Variants in SLC18A1 observed in about 807,000 individuals in gnomAD.
SLC18A1 encodes chromaffin granule amine transporter.
In SLC18A1, 69 loss-of-function variants were observed where a neutral mutation model predicts 53.7. The ratio of observed to expected loss-of-function variants is 1.28; its 90% CI spans 1.06 to 1.57. SLC18A1 has a LOEUF of 1.57. Ranked by LOEUF, SLC18A1 falls within the 40% of genes most tolerant of loss-of-function variation. SLC18A1 has a pLI of 0.00. For missense variants in SLC18A1, 932 were observed against 668.1 expected (o/e 1.40, Z -4.35); for synonymous variants, 320 against 248.1 (o/e 1.29, Z -2.72).
intron 4 of SLC18A1, 60 bp from the exon 5 acceptor site, chr8:20,174,504 G>T: frequency 1.8e-6 from 2 of 1,126,796 alleles, no homozygotes; most frequent in South Asian, 1.3e-5. Flanking sequence ...TTCCCCAGCC[G>T]CCAGAGAACA....
chr8:20,181,873 G>A (rs2072437558), intron 1 of SLC18A1: 2 of 152,208 alleles, frequency 1.3e-5, no homozygotes, highest in African/African-American at 4.8e-5. Context: ...CCTCTACCAT[G>A]TTCCCTTGCT....
chr8:20,150,588 T>G, intron 11 of SLC18A1, 78 bp downstream of exon 11: 1 of 1,240,822 alleles, frequency 8.1e-7, no homozygotes. Context: ...TGGAAGCTGT[T>G]CATCATTCCA....
chr8:20,170,293 A>G (rs2072079889), intron 8 of SLC18A1, among the ~76,000 whole-genome samples: 1 of 152,150 alleles, frequency 6.6e-6, no homozygotes. Context: ...TTCACCCTCG[A>G]TTTCATTATC....
chr8:20,147,036 T>A lies in SLC18A1; in HGVS notation c.1464+222A>T, dbSNP rs2128866493. On this transcript the variant is annotated intron_variant, in intron 15 of 15. Coordinates refer to ENST00000276373, the MANE Select transcript of SLC18A1 (RefSeq NM_003053.4). The stretch of plus-strand genomic sequence containing the variant: ...TCCCTTCTCTACTGAAGACCCTTCC[T>A]GATAGCCCCAGAAAGAGGGAAGTGG... 2.0e-5 allele frequency among the ~76,000 whole-genome samples: 3 copies of A among 152,118 alleles called. No homozygotes were observed. The East Asian group carries it at 5.8e-4, about 29-fold the overall frequency.
At chr8:20,181,633 T>A (rs1255888795) in intron 1 of SLC18A1, 1 of 152,186 alleles carries the variant, frequency 6.6e-6, no homozygotes, top group Admixed American at 6.5e-5. Flanking sequence ...TTCAAAAAGT[T>A]ATTTTATGTG....
At chr8:20,169,174 C>T (rs1411017766) in intron 8 of SLC18A1, among the ~76,000 whole-genome samples, 1 of 152,034 alleles carries the variant, frequency 6.6e-6, no homozygotes, top group Non-Finnish European at 1.5e-5. Flanking sequence ...CATGAAGAAA[C>T]ATCAGACAAA....
At position 20,180,108 on chromosome 8, in the gene SLC18A1, T is replaced by TTGTGTGTGTGTGTGTG. The variant is rs112531759; in HGVS notation, c.125-640_125-625dup. Among the ~76,000 whole-genome samples the TTGTGTGTGTGTGTGTG allele has an allele frequency of 3.4e-3, 497 of 146,174 alleles. 3 individuals carry two copies. Among genetic ancestry groups the TTGTGTGTGTGTGTGTG allele is most frequent in the African/African-American group, 0.01 (406 of 39,278 alleles). On this transcript the variant is annotated intron_variant, in intron 2 of 15. Coordinates refer to ENST00000276373, the MANE Select transcript of SLC18A1 (RefSeq NM_003053.4). ...CGATGTTTAAGATTTAAGATTATAA[T>TTGTGTGTGTGTGTGTG]TGTGTGTGTGTGTGTGTGTGTGTGT... is the stretch of plus-strand genomic sequence containing the variant.
At position 20,173,902 on chromosome 8, in the gene SLC18A1, T is replaced by C. The variant is rs867216040; in HGVS notation, c.631+459A>G. On this transcript the variant is annotated intron_variant, in intron 5 of 15. Transcript: ENST00000276373. ...AAACTCTGTAATTCCTTTCTTTTTT[T>C]TTTTTTTTTTTTGAGTTAGGGTCTA... Among the ~76,000 whole-genome samples, 789 of 150,760 alleles carry C rather than the reference T, an allele frequency of 5.2e-3. 9 individuals are homozygous for C. Among genetic ancestry groups the C allele is most frequent in the African/African-American group, 0.018 (729 of 41,054 alleles).
chr8:20,156,318 T>TA (rs35434077), intron 10 of SLC18A1, among the ~76,000 whole-genome samples: 23,780 of 144,006 alleles, frequency 0.17, 2,141 homozygotes, highest in Middle Eastern at 0.26. Context: ...GCTAGTCTGT[T>TA]AAAAAAAAAA....
chr8:20,179,039 T>G (rs1024510551), intron 3 of SLC18A1, 82 bp downstream of exon 3: 1 of 1,494,280 alleles, frequency 6.7e-7, no homozygotes, highest in Admixed American at 2.3e-5. Context: ...ATTTCTTCTT[T>G]TTCCCTTCCA....
At chr8:20,162,129 C>G (rs2071845986) in intron 10 of SLC18A1, among the ~76,000 whole-genome samples, 1 of 152,180 alleles carries the variant, frequency 6.6e-6, no homozygotes, top group South Asian at 2.1e-4. Flanking sequence ...TTGAGGGGCA[C>G]TGCACTGAAA....
At chr8:20,146,900 G>A (rs2071416514) in intron 15 of SLC18A1, among the ~76,000 whole-genome samples, 1 of 151,806 alleles carries the variant, frequency 6.6e-6, no homozygotes, top group Non-Finnish European at 1.5e-5. Flanking sequence ...ATGTGCCAAT[G>A]GAATTCTGCC....
In SLC18A1 at chr8:20,179,105, G is replaced by A. The variant is rs754817487; in HGVS notation, c.488+16C>T. On this transcript the variant is annotated intron_variant, in intron 3 of 15. Coordinates refer to ENST00000276373, the MANE Select transcript of SLC18A1 (RefSeq NM_003053.4). ...ACTCCTGTGTACCCTGCGGGGCACT[G>A]CACCCAGTGAGATACCTGTTGGTGA... 48 of 1,602,368 alleles carry A rather than the reference G, an allele frequency of 3.0e-5. No homozygotes were observed. Among genetic ancestry groups the A allele is most frequent in the Non-Finnish European group, 3.7e-5 (44 of 1,173,414 alleles).
intron 11 of SLC18A1, among the ~76,000 whole-genome samples, 186 bp downstream of exon 11, chr8:20,150,480 C>T (rs2071522460): frequency 6.6e-6 from 1 of 152,340 alleles, no homozygotes; most frequent in South Asian, 2.1e-4. Context: ...GAGCTCAGGA[C>T]AATCCATTCT....
chr8:20,145,849 C>T lies in SLC18A1; in HGVS notation c.1492G>A (p.Glu498Lys), dbSNP rs527363991. Residue 498 changes from glutamate to lysine, a missense_variant, in exon 16 of 16, where the codon GAG becomes AAG. Coordinates refer to ENST00000276373, the MANE Select transcript of SLC18A1 (RefSeq NM_003053.4). ...LAILSQDCPMETRMYATQKPT... is the reference protein window; with the variant it reads ...LAILSQDCPMKTRMYATQKPT... The stretch of plus-strand genomic sequence containing the variant: ...TTCTGGGTTGCATACATCCGGGTCT[C>T]CATGGGGCAGTCCTGACTCAGAATA... 1.6e-4 allele frequency: 251 copies of T among 1,611,092 alleles called. 4 individuals are homozygous for T. In the South Asian group the frequency reaches 2.5e-3, roughly 16 times the overall value.
intron 10 of SLC18A1, among the ~76,000 whole-genome samples, chr8:20,154,970 T>C (rs1464064358): frequency 1.3e-5 from 2 of 152,168 alleles, no homozygotes; most frequent in Non-Finnish European, 2.9e-5. Flanking sequence ...AAGCTTGCCA[T>C]TGTTCCTGCA....
rs2072343875 is a variant in SLC18A1, at chr8:20,179,174, T to C, written c.435A>G (p.Ser145=). The change falls in exon 3 of 16, where the codon TCA becomes TCG. Residue 145 remains serine, a synonymous_variant. Coordinates refer to ENST00000276373, the MANE Select transcript of SLC18A1 (RefSeq NM_003053.4). ...EITRVGVLFA[S]KAVMQLLVNP... is the part of the protein sequence containing the mutation. Reference sequence around the variant, plus strand: ...TGACCAGAAGTTGCATCACAGCCTTTGAAGCAAACAGAACCCCGACCCGGG... The same window carrying C: ...TGACCAGAAGTTGCATCACAGCCTTCGAAGCAAACAGAACCCCGACCCGGG... 3 of 1,614,022 alleles carry C rather than the reference T, an allele frequency of 1.9e-6. No homozygotes were observed. Among genetic ancestry groups the C allele is most frequent in the African/African-American group, 1.3e-5 (1 of 74,924 alleles).
chr8:20,176,301 C>T (rs1393371348), intron 4 of SLC18A1, among the ~76,000 whole-genome samples: 1 of 152,172 alleles, frequency 6.6e-6, no homozygotes, highest in Non-Finnish European at 1.5e-5. Flanking sequence ...GCACAGCCAG[C>T]TCCCCTTCAC....
chr8:20,180,549 G>T (rs67315468), intron 2 of SLC18A1, among the ~76,000 whole-genome samples: 42,710 of 152,086 alleles, frequency 0.28, 6,751 homozygotes, highest in Non-Finnish European at 0.36. Flanking sequence ...AGAAGACAGT[G>T]TGGGGAGAAA....
Sources: gnomAD v4.1 joint callset for allele counts (sites outside exome capture counted in the v4.1 genomes callset) on GRCh38, gnomAD v4.1.1 for gene constraint, MANE v1.5 for transcripts, NCBI Gene and HGNC (gene_info 2026-07-23, HGNC 2026-07-21) for gene names.